Variants in FHAD1 observed in about 807,000 individuals in gnomAD.
FHAD1 encodes forkhead associated phosphopeptide binding domain 1, also known as forkhead-associated domain-containing protein 1.
Under a neutral mutation model 191.3 loss-of-function variants are expected in FHAD1, and 146 were observed. That is an observed-to-expected ratio of 0.76 (90% CI 0.67 to 0.88). The LOEUF (loss-of-function observed/expected upper bound fraction) is 0.88, where lower values mean the gene tolerates loss of function less well. Among genes scored for constraint, FHAD1 ranks in the 40% least tolerant of loss-of-function variants. FHAD1 has a pLI of 0.00. For synonymous variants in FHAD1, 616 were observed against 672.3 expected (o/e 0.92, Z 1.29); for missense variants, 1,635 against 1,785.8 (o/e 0.92, Z 1.52).
intron 23 of FHAD1, 136 bp downstream of exon 23, chr1:15,362,862 G>A: frequency 1.5e-6 from 1 of 680,226 alleles, no homozygotes; most frequent in Non-Finnish European, 2.6e-6. Context: ...CCTTCCCAGT[G>A]CTGCTTCCAT....
At chr1:15,279,729 A>G (rs114420391) in intron 3 of FHAD1, among the ~76,000 whole-genome samples, 124 of 152,060 alleles carry the variant, frequency 8.2e-4, no homozygotes, top group African/African-American at 2.8e-3. Flanking sequence ...TCACATGACT[A>G]TCCCCGAACC....
At chr1:15,359,467 C>T (rs550641859) in intron 21 of FHAD1, among the ~76,000 whole-genome samples, 146 of 152,120 alleles carry the variant, frequency 9.6e-4, no homozygotes, top group Non-Finnish European at 1.2e-3. Flanking sequence ...GGGATGGAAA[C>T]GCCAAGGGGA....
Position 15,293,063 on chromosome 1 carries a change from G to T in FHAD1, c.568+3397G>T, listed in dbSNP as rs1665449701. On this transcript the variant is annotated intron_variant, in intron 4 of 33. Coordinates refer to ENST00000688493, the MANE Select transcript of FHAD1 (RefSeq NM_001391957.1). Reference sequence around the variant, plus strand: ...TCCAGCATGGGAGATGACTATATAGGGGCATGAATACAGGGACAAGAATCA... The same window carrying T: ...TCCAGCATGGGAGATGACTATATAGTGGCATGAATACAGGGACAAGAATCA... 2.0e-5 allele frequency among the ~76,000 whole-genome samples: 3 copies of T among 152,248 alleles called. No homozygotes were observed. The South Asian group carries it at 6.2e-4, about 32-fold the overall frequency.
Position 15,313,204 on chromosome 1 carries a change from G to A in FHAD1, c.1170+17G>A. ...GGCTCTAGAGTGAGTAAGGATGACT[G>A]CGTCACCTTGTAGCCATCCGGTGAA... is the stretch of plus-strand genomic sequence containing the variant. On this transcript the variant is annotated intron_variant, in intron 8 of 33. Coordinates refer to ENST00000688493, the MANE Select transcript of FHAD1 (RefSeq NM_001391957.1). 1.3e-6 allele frequency: 2 copies of A among 1,551,384 alleles called. No homozygotes were observed. The highest frequency in any genetic ancestry group is 2.4e-5 in the South Asian group (2 of 84,000).
chr1:15,282,513 A>G (rs1660971947), intron 3 of FHAD1, among the ~76,000 whole-genome samples: 1 of 152,304 alleles, frequency 6.6e-6, no homozygotes, highest in Admixed American at 6.5e-5. Context: ...ATACTGGTGG[A>G]TATATTTGTT....
chr1:15,265,652 T>C (rs1014529667), intron 2 of FHAD1, among the ~76,000 whole-genome samples: 5 of 152,120 alleles, frequency 3.3e-5, no homozygotes, highest in African/African-American at 1.2e-4. Context: ...ATGTAACACA[T>C]AGAACTTATC....
chr1:15,274,482 G>A (rs1657490368), intron 3 of FHAD1, among the ~76,000 whole-genome samples: 2 of 152,044 alleles, frequency 1.3e-5, no homozygotes, highest in South Asian at 2.1e-4. Context: ...CATGGTGGCG[G>A]GCGCCTGTAG....
At chr1:15,271,027 T>A (rs1295496812) in intron 2 of FHAD1, among the ~76,000 whole-genome samples, 6 of 151,128 alleles carry the variant, frequency 4.0e-5, no homozygotes, top group Non-Finnish European at 1.5e-5. Flanking sequence ...TAGTCCCAGC[T>A]ACTTGGGAGG....
intron 2 of FHAD1, among the ~76,000 whole-genome samples, chr1:15,259,422 C>T (rs996412932): frequency 2.6e-5 from 4 of 152,102 alleles, no homozygotes; most frequent in Non-Finnish European, 4.4e-5. Flanking sequence ...TAGTCGGGGA[C>T]GGTGGGGCTG....
At chr1:15,278,366 AG>A (rs1333919758) in intron 3 of FHAD1, among the ~76,000 whole-genome samples, 3 of 152,238 alleles carry the variant, frequency 2.0e-5, no homozygotes, top group Non-Finnish European at 2.9e-5. Context: ...GATAGGAGAA[AG>A]AATGAATGCC....
At chr1:15,394,484 T>G (rs963370497) in intron 33 of FHAD1, among the ~76,000 whole-genome samples, 1 of 152,196 alleles carries the variant, frequency 6.6e-6, no homozygotes, top group African/African-American at 2.4e-5. Context: ...AATATTTACT[T>G]TGTGGGCTGG....
Position 15,313,177 on chromosome 1 carries a change from T to G in FHAD1, c.1160T>G (p.Leu387Arg). The change falls in exon 8 of 34, where the codon CTT becomes CGT. Residue 387 changes from leucine to arginine, a missense_variant. Transcript: ENST00000688493. ...NKDKDHQLEA[L>R]GSRCSVLKEE... Reference sequence around the variant, plus strand: ...GACAAGGACCACCAGCTGGAAGCCCTTGGCTCTAGAGTGAGTAAGGATGAC... The same window carrying G: ...GACAAGGACCACCAGCTGGAAGCCCGTGGCTCTAGAGTGAGTAAGGATGAC... 6.4e-7 allele frequency: 1 copy of G among 1,551,936 alleles called. No individual in the cohort carries two copies.
chr1:15,310,452 G>A (rs752139656), intron 7 of FHAD1, among the ~76,000 whole-genome samples: 11 of 152,080 alleles, frequency 7.2e-5, no homozygotes, highest in African/African-American at 7.2e-5. Context: ...CCTCCCCAGC[G>A]TCTGTCCATC....
At chr1:15,369,242 C>A (rs1457215162) in intron 25 of FHAD1, 128 bp from the exon 26 acceptor site, 1 of 1,139,064 alleles carries the variant, frequency 8.8e-7, no homozygotes, top group Non-Finnish European at 1.2e-6. Context: ...AATATGGGAA[C>A]AGGAAACAAG....
At chr1:15,386,811 C>T (rs11579739) in intron 31 of FHAD1, among the ~76,000 whole-genome samples, 63 of 151,924 alleles carry the variant, frequency 4.1e-4, no homozygotes, top group African/African-American at 1.5e-3. Context: ...ACCTCTCAAT[C>T]GTGCTCTTTT....
At position 15,349,117 on chromosome 1, in the gene FHAD1, G is replaced by A; in HGVS notation, c.2422G>A (p.Asp808Asn). ...GGAGTCGGAAAAGAGAAAAGTTCAG[G>A]ATCTGGAGAACCATTTAACCCAACA... is the stretch of plus-strand genomic sequence containing the variant. ...ALESEKRKVQ[D>N]LENHLTQQKE... Residue 808 changes from aspartate to asparagine, a missense_variant, in exon 19 of 34, where the codon GAT becomes AAT. Asp to Asn is a conservative substitution (Grantham distance 23, BLOSUM62 1). Coordinates refer to ENST00000688493, the MANE Select transcript of FHAD1 (RefSeq NM_001391957.1). 6.4e-7 allele frequency: 1 copy of A among 1,551,618 alleles called. No homozygotes were observed. Among genetic ancestry groups the A allele is most frequent in the Non-Finnish European group, 8.7e-7 (1 of 1,146,966 alleles).
At chr1:15,398,816 A>G (rs1057419251), downstream of FHAD1, among the ~76,000 whole-genome samples, 12 of 148,850 alleles carry the variant, frequency 8.1e-5, no homozygotes, top group African/African-American at 2.5e-4. Flanking sequence ...GCCAGAAATC[A>G]TGAATACTTT....
At chr1:15,251,626 T>C (rs1752001) in intron 1 of FHAD1, 145 bp from the exon 2 acceptor site, 203,790 of 612,472 alleles carry the variant, frequency 0.33, 37,796 homozygotes, top group Non-Finnish European at 0.39. Context: ...GTCGTCATTG[T>C]TGACTGATCT....
At chr1:15,362,234 G>A (rs530724624) in intron 22 of FHAD1, among the ~76,000 whole-genome samples, 4 of 152,340 alleles carry the variant, frequency 2.6e-5, no homozygotes, top group African/African-American at 7.2e-5. Context: ...GAGACAGGAC[G>A]CTAGAGGCGG....
Sources: gnomAD v4.1 joint callset for allele counts (sites outside exome capture counted in the v4.1 genomes callset) on GRCh38, gnomAD v4.1.1 for gene constraint, MANE v1.5 for transcripts, NCBI Gene and HGNC (gene_info 2026-07-23, HGNC 2026-07-21) for gene names.